The following POLA1 variants were observed in gnomAD, a reference collection of about 807,000 sequenced individuals.
The protein encoded by POLA1 is DNA polymerase alpha catalytic subunit.
POLA1 carries 15 observed loss-of-function variants against 124.0 expected under a neutral mutation model. The observed-to-expected ratio is 0.12, with a 90% CI of 0.08 to 0.19. The LOEUF (loss-of-function observed/expected upper bound fraction) is 0.19, where lower values mean the gene tolerates loss of function less well. POLA1 is among the 10% of genes least tolerant of loss of function. The pLI, the probability that POLA1 is intolerant of heterozygous loss-of-function variation, is 1.00. For missense variants in POLA1, 886 were observed against 1,103.4 expected (o/e 0.80, Z 2.79); for synonymous variants, 408 against 389.4 (o/e 1.05, Z -0.56).
At chrX:24,712,906 T>C (rs936035861) in intron 4 of POLA1, among the ~76,000 whole-genome samples, 1 of 112,155 alleles carries the variant, frequency 8.9e-6, no homozygotes, top group African/African-American at 3.2e-5. Flanking sequence ...TTCTGGACTT[T>C]ATGTTCTGTT....
At position 24,788,554 on chromosome X, in the gene POLA1, C is replaced by G. The variant is rs754378051; in HGVS notation, c.2965-21344C>G. On this transcript the variant is annotated intron_variant, in intron 26 of 36. Transcript: ENST00000379068. ...CCACTGGAACTAGTTTAGATGAGCC[C>G]CAGACTAAGCCGTCTGCTTGAATGC... The G allele has an allele frequency of 5.9e-6, 7 of 1,189,381 alleles. No homozygotes were observed. The African/African-American group carries it at 1.2e-4, about 21-fold the overall frequency.
intron 26 of POLA1, among the ~76,000 whole-genome samples, chrX:24,797,319 TTTTTTTACTC>T (rs2045625664): frequency 8.9e-6 from 1 of 112,036 alleles, no homozygotes; most frequent in African/African-American, 3.2e-5. Flanking sequence ...AACTTAATTT[TTTTTTTACTC>T]ACCATTCAGC....
At chrX:24,846,749 C>A (rs1449891029) in intron 34 of POLA1, among the ~76,000 whole-genome samples, 1 of 111,802 alleles carries the variant, frequency 8.9e-6, no homozygotes, top group African/African-American at 3.2e-5. Flanking sequence ...ATCTTGTCAG[C>A]TGGCAGAATG....
chrX:24,788,448 T>A (rs778211811), intron 26 of POLA1: 1 of 1,195,740 alleles, frequency 8.4e-7, no homozygotes, highest in African/African-American at 1.8e-5. Flanking sequence ...TCAAAAGCAG[T>A]GATCTGCTCC....
chrX:24,949,757 C>T (rs1447008150), intron 36 of POLA1, among the ~76,000 whole-genome samples: 17 of 100,474 alleles, frequency 1.7e-4, no homozygotes, highest in African/African-American at 5.1e-4. Context: ...TTTTTTAAGA[C>T]AGAGTCTCGC....
chrX:24,826,888 G>A (rs752319409), intron 32 of POLA1, among the ~76,000 whole-genome samples: 3 of 111,755 alleles, frequency 2.7e-5, no homozygotes, highest in East Asian at 2.8e-4. Flanking sequence ...TTCAGGTGCC[G>A]TTACAGTCAC....
intron 32 of POLA1, among the ~76,000 whole-genome samples, chrX:24,837,356 C>A (rs1200030228): frequency 9.0e-6 from 1 of 111,523 alleles, no homozygotes; most frequent in Non-Finnish European, 1.9e-5. Context: ...AGTATATACT[C>A]TTTTTGTGTG....
At chrX:24,744,380 G>T in intron 23 of POLA1, 1 of 271,897 alleles carries the variant, frequency 3.7e-6, no homozygotes, top group East Asian at 1.2e-4. Flanking sequence ...GGATAAATTA[G>T]TATAGTGCTG....
rs564775685 is a variant in POLA1 at position 24,811,341 on chromosome X, C to T, written c.3090+541C>T. 5.5e-5 allele frequency among the ~76,000 whole-genome samples: 6 copies of T among 108,159 alleles called. No homozygotes were observed. In the South Asian group the frequency reaches 2.5e-3, roughly 45 times the overall value. 93.9% of individuals were successfully genotyped at this position (108,159 alleles called of 115,157 possible). A position where few individuals can be genotyped will look rare whatever the true frequency, so the allele number is the denominator to read the frequency against. On this transcript the variant is annotated intron_variant, in intron 28 of 36. Coordinates refer to ENST00000379068, the MANE Select transcript of POLA1 (RefSeq NM_001330360.2). Reference sequence around the variant, plus strand: ...AGGCTGGAGTGCAGTGGCGTGATCTCGGCTCACTGCAACCTCCGACTCCCT... The same window carrying T: ...AGGCTGGAGTGCAGTGGCGTGATCTTGGCTCACTGCAACCTCCGACTCCCT...
At chrX:24,777,157 T>C (rs2045156195) in intron 26 of POLA1, among the ~76,000 whole-genome samples, 1 of 112,245 alleles carries the variant, frequency 8.9e-6, no homozygotes, top group South Asian at 3.7e-4. Flanking sequence ...CTCTGCTTTT[T>C]TGAGGGAGAG....
In POLA1 at chrX:24,828,089, C is replaced by T. The variant is rs376508508; in HGVS notation, c.3736+1488C>T. On this transcript the variant is annotated intron_variant, in intron 32 of 36. Transcript: ENST00000379068. ...AAATATTAGGAAGATAAAATTCTAC[C>T]ACCAAAATTATCATATGTATTCTCC... Among the ~76,000 whole-genome samples, 92 of 112,477 alleles carry T rather than the reference C, an allele frequency of 8.2e-4. No homozygotes were observed. In the South Asian group the frequency reaches 0.034, roughly 41 times the overall value.
chrX:24,843,344 A>C (rs1006562912), intron 33 of POLA1, among the ~76,000 whole-genome samples: 1 of 112,004 alleles, frequency 8.9e-6, no homozygotes, highest in Non-Finnish European at 1.9e-5. Flanking sequence ...TTTGCACTCC[A>C]TTATGATGAT....
intron 15 of POLA1, among the ~76,000 whole-genome samples, chrX:24,730,558 A>G (rs1240676194): frequency 3.6e-5 from 4 of 112,275 alleles, no homozygotes; most frequent in Non-Finnish European, 7.5e-5. Context: ...ATTTTCTAAT[A>G]AAAGGAAATT....
At chrX:24,802,412 G>C (rs1035096910) in intron 26 of POLA1, among the ~76,000 whole-genome samples, 3 of 111,732 alleles carry the variant, frequency 2.7e-5, no homozygotes, top group Non-Finnish European at 5.6e-5. Context: ...TATTTTGAGA[G>C]GGCTGGTTTG....
intron 34 of POLA1, among the ~76,000 whole-genome samples, chrX:24,887,185 C>T (rs937225255): frequency 8.9e-6 from 1 of 112,177 alleles, no homozygotes; most frequent in African/African-American, 3.2e-5. Context: ...TAACAGATAA[C>T]GTTTTATAAC....
At chrX:24,957,216 G>A (rs988373928) in intron 36 of POLA1, among the ~76,000 whole-genome samples, 43 of 112,207 alleles carry the variant, frequency 3.8e-4, no homozygotes, top group African/African-American at 1.4e-3. Flanking sequence ...GAAAACATGA[G>A]CTCTGTTTTG....
intron 6 of POLA1, 41 bp downstream of exon 6, chrX:24,715,244 T>A (rs769569083): frequency 1.2e-6 from 1 of 832,294 alleles, no homozygotes; most frequent in Non-Finnish European, 1.8e-6. Flanking sequence ...GCAGAGGACA[T>A]AGACTGAAGA....
intron 25 of POLA1, 117 bp downstream of exon 25, chrX:24,748,577 G>A: frequency 3.1e-6 from 2 of 646,772 alleles, no homozygotes; most frequent in Admixed American, 3.5e-5. Context: ...TTGTGGATAG[G>A]TGACCATTTA....
intron 34 of POLA1, among the ~76,000 whole-genome samples, chrX:24,846,151 A>T (rs1481914006): frequency 1.8e-5 from 2 of 112,166 alleles, no homozygotes; most frequent in Admixed American, 9.5e-5. Context: ...TGATATAACA[A>T]ATATTTGTTT....
Sources: gnomAD v4.1 joint callset for allele counts (sites outside exome capture counted in the v4.1 genomes callset) on GRCh38, gnomAD v4.1.1 for gene constraint, MANE v1.5 for transcripts, NCBI Gene and HGNC (gene_info 2026-07-23, HGNC 2026-07-21) for gene names.